The following AFG2A variants were observed in gnomAD, a reference collection of about 807,000 sequenced individuals.
AFG2A encodes AAA ATPase AFG2A, also known as ATPase family gene 2 protein homolog A.
the AFG2A span, among the ~76,000 whole-genome samples, chr4:123,039,012 T>C: frequency 2.0e-5 from 3 of 152,066 alleles, no homozygotes. Context: ...AATCTTTCTA[T>C]TGATACCAAG....
the AFG2A span, among the ~76,000 whole-genome samples, chr4:122,946,479 G>T: frequency 9.9e-5 from 15 of 151,910 alleles, no homozygotes; most frequent in Admixed American, 6.6e-4. Context: ...ATTGTCTGTT[G>T]GCACATTCAG....
the AFG2A span, among the ~76,000 whole-genome samples, chr4:122,978,461 C>T: frequency 6.6e-6 from 1 of 152,158 alleles, no homozygotes; most frequent in African/African-American, 2.4e-5. Context: ...GCTGATTGGT[C>T]CATGGGTGGC....
At chr4:122,971,947 A>G in the AFG2A span, among the ~76,000 whole-genome samples, 10 of 152,048 alleles carry the variant, frequency 6.6e-5, no homozygotes, top group African/African-American at 1.2e-4. Flanking sequence ...ATTTGCACCT[A>G]TGTTCATGAG....
At chr4:123,226,576 G>T in the AFG2A span, among the ~76,000 whole-genome samples, 1 of 152,310 alleles carries the variant, frequency 6.6e-6, no homozygotes, top group South Asian at 2.1e-4. Context: ...GATCATGGTG[G>T]ATAAGCTTTT....
At chr4:123,112,662 A>T in the AFG2A span, among the ~76,000 whole-genome samples, 1 of 152,190 alleles carries the variant, frequency 6.6e-6, no homozygotes, top group Non-Finnish European at 1.5e-5. Flanking sequence ...TAAATACAGG[A>T]TAATGAATTT....
chr4:123,046,893 T>A, the AFG2A span, among the ~76,000 whole-genome samples: 1 of 152,204 alleles, frequency 6.6e-6, no homozygotes, highest in African/African-American at 2.4e-5. Flanking sequence ...ATAAAGTATT[T>A]GTCTTTTCTG....
the AFG2A span, among the ~76,000 whole-genome samples, chr4:123,059,823 C>T: frequency 6.6e-6 from 1 of 151,992 alleles, no homozygotes; most frequent in Admixed American, 6.5e-5. Flanking sequence ...CTGTTGTTTC[C>T]TGACTTTTTA....
chr4:123,204,693 C>T, the AFG2A span, among the ~76,000 whole-genome samples: 29 of 152,088 alleles, frequency 1.9e-4, no homozygotes, highest in Non-Finnish European at 4.0e-4. Flanking sequence ...TGAGTGATGC[C>T]ACATGCTACA....
At chr4:122,981,278 T>C in the AFG2A span, among the ~76,000 whole-genome samples, 1 of 152,192 alleles carries the variant, frequency 6.6e-6, no homozygotes, top group Non-Finnish European at 1.5e-5. Flanking sequence ...TTAAAGAGAT[T>C]GTGCTTTCGT....
At chr4:123,031,782 C>T in the AFG2A span, among the ~76,000 whole-genome samples, 2 of 152,186 alleles carry the variant, frequency 1.3e-5, no homozygotes, top group Admixed American at 6.5e-5. Context: ...TATGAAAGAA[C>T]CTTTTAGCTT....
At chr4:123,208,519 T>C in the AFG2A span, among the ~76,000 whole-genome samples, 1 of 152,226 alleles carries the variant, frequency 6.6e-6, no homozygotes, top group South Asian at 2.1e-4. Flanking sequence ...GCAGACTATA[T>C]AGCCACTGAT....
At chr4:123,163,436 C>T in the AFG2A span, among the ~76,000 whole-genome samples, 1 of 151,984 alleles carries the variant, frequency 6.6e-6, no homozygotes, top group African/African-American at 2.4e-5. Context: ...AGTGAGACTC[C>T]ATCTCAAAAA....
chr4:123,245,073 C>T, the AFG2A span, among the ~76,000 whole-genome samples: 1 of 152,038 alleles, frequency 6.6e-6, no homozygotes, highest in Non-Finnish European at 1.5e-5. Flanking sequence ...TGGGAGTAGA[C>T]AGGACTGTTC....
the AFG2A span, among the ~76,000 whole-genome samples, chr4:123,224,225 T>C: frequency 2.5e-3 from 381 of 152,280 alleles, 2 homozygotes; most frequent in Middle Eastern, 0.014. Flanking sequence ...TTTTTTTAAA[T>C]TATACTTTAA....
chr4:123,301,844 T>C, the AFG2A span, among the ~76,000 whole-genome samples: 804 of 152,120 alleles, frequency 5.3e-3, 15 homozygotes, highest in Non-Finnish European at 5.2e-3. Context: ...CTACACCAGA[T>C]TGGAGAATGG....
At chr4:123,153,811 AG>A in the AFG2A span, among the ~76,000 whole-genome samples, 1 of 152,204 alleles carries the variant, frequency 6.6e-6, no homozygotes, top group Non-Finnish European at 1.5e-5. Context: ...AAATGGAAAA[AG>A]AAAAAACAAA....
At chr4:122,940,472 T>C in the AFG2A span, among the ~76,000 whole-genome samples, 3 of 152,176 alleles carry the variant, frequency 2.0e-5, no homozygotes, top group Admixed American at 6.5e-5. Context: ...CACTTTTTGA[T>C]GGGGTTGTTT....
the AFG2A span, among the ~76,000 whole-genome samples, chr4:123,121,506 A>G: frequency 6.6e-6 from 1 of 152,146 alleles, no homozygotes; most frequent in Non-Finnish European, 1.5e-5. Flanking sequence ...ATACAGGCAT[A>G]CCGTTTTTTA....
At chr4:123,292,447 T>C in the AFG2A span, among the ~76,000 whole-genome samples, 1 of 152,172 alleles carries the variant, frequency 6.6e-6, no homozygotes, top group Non-Finnish European at 1.5e-5. Flanking sequence ...CTGTGCTTTT[T>C]ATATTGCAGA....
Sources: allele counts gnomAD v4.1 joint callset (sites outside exome capture counted in the v4.1 genomes callset), GRCh38; gene constraint gnomAD v4.1.1; transcripts MANE v1.5; gene names NCBI Gene and HGNC (gene_info 2026-07-23, HGNC 2026-07-21).